Variants in CD99 observed in about 807,000 individuals in gnomAD.
The protein encoded by CD99 is CD99 molecule (Xg blood group), also known as CD99 antigen.
A neutral mutation model predicts 28.4 loss-of-function variants in CD99; 19 were observed. The ratio of observed to expected loss-of-function variants is 0.67; its 90% confidence interval spans 0.47 to 0.98. The LOEUF is 0.98. Ranked by LOEUF, CD99 falls within the 50% of genes least tolerant of loss-of-function variation. The pLI is 0.00. For synonymous variants in CD99, 103 were observed against 92.1 expected, an observed-to-expected ratio of 1.12 and a Z score of -0.67; for missense variants, 283 against 248.8, an observed-to-expected ratio of 1.14 and a Z score of -0.92.
At chrX:2,712,566 A>G (rs1292934299) in intron 1 of CD99, among the ~76,000 whole-genome samples, 2 of 152,092 alleles carry the variant, frequency 1.3e-5, no homozygotes, top group African/African-American at 4.8e-5. Flanking sequence ...GCTACCGTCT[A>G]AAGATCTGCC....
At chrX:2,693,222 C>G (rs2047417177) in intron 1 of CD99, among the ~76,000 whole-genome samples, 1 of 150,660 alleles carries the variant, frequency 6.6e-6, no homozygotes. Context: ...GGCTCATTGG[C>G]GTTGCACAGT....
chrX:2,709,968 G>GA (rs902622117), intron 1 of CD99, among the ~76,000 whole-genome samples: 16 of 149,784 alleles, frequency 1.1e-4, no homozygotes, highest in African/African-American at 2.4e-4. Context: ...GAGGGTCTTT[G>GA]AAAAAAAAAA....
At chrX:2,724,401 C>T (rs1003554598) in intron 7 of CD99, among the ~76,000 whole-genome samples, 2 of 152,132 alleles carry the variant, frequency 1.3e-5, no homozygotes, top group African/African-American at 4.8e-5. Flanking sequence ...TTCTCCTTCC[C>T]CGTCGTGGAG....
chrX:2,736,002 A>C (rs1458324768), intron 8 of CD99, among the ~76,000 whole-genome samples: 2 of 151,964 alleles, frequency 1.3e-5, no homozygotes, highest in Non-Finnish European at 2.9e-5. Context: ...GGAGATCGAG[A>C]CCATCCTGGC....
intron 8 of CD99, among the ~76,000 whole-genome samples, chrX:2,736,150 C>G (rs55711896): frequency 6.7e-6 from 1 of 148,852 alleles, no homozygotes; most frequent in African/African-American, 2.5e-5. Context: ...TGCAGTGAGC[C>G]GAGATCGCGC....
intron 1 of CD99, among the ~76,000 whole-genome samples, chrX:2,706,833 T>A (rs1416868372): frequency 3.3e-5 from 5 of 151,946 alleles, no homozygotes. Flanking sequence ...TTAATTAATT[T>A]ATTTCGAGAC....
chrX:2,736,579 C>T (rs1410731495), intron 8 of CD99, among the ~76,000 whole-genome samples: 1 of 151,674 alleles, frequency 6.6e-6, no homozygotes, highest in Non-Finnish European at 1.5e-5. Flanking sequence ...AATAGAGGGC[C>T]GGGCGTGGTG....
intron 1 of CD99, among the ~76,000 whole-genome samples, chrX:2,710,684 A>G (rs2048355692): frequency 6.6e-6 from 1 of 151,814 alleles, no homozygotes; most frequent in Non-Finnish European, 1.5e-5. Context: ...ACTTGCCCTG[A>G]CTTGCTGGGA....
chrX:2,721,627 A>G lies in CD99; in HGVS notation c.263-1000A>G, dbSNP rs772345738. Among the ~76,000 whole-genome samples the G allele has an allele frequency of 8.5e-5, 13 of 152,296 alleles. No individual in the cohort carries two copies. In the East Asian group the frequency reaches 2.5e-3, roughly 29 times the overall value. On this transcript the variant is annotated intron_variant, in intron 5 of 9. Coordinates refer to ENST00000381192, the MANE Select transcript of CD99 (RefSeq NM_002414.5). ...TTAATCTAAATGAAATAAATTTTAA[A>G]TAAAGTTCCAAGTCTTTTGTTTGTA...
intron 1 of CD99, among the ~76,000 whole-genome samples, chrX:2,707,455 C>T (rs1477093250): frequency 6.6e-6 from 1 of 152,094 alleles, no homozygotes; most frequent in Non-Finnish European, 1.5e-5. Flanking sequence ...TGCAGAGGAA[C>T]TCACACACCC....
At position 2,707,339 on chromosome X, in the gene CD99, G is replaced by GAA. The variant is rs1303534742; in HGVS notation, c.68-7080_68-7079dup. 7.6e-3 allele frequency among the ~76,000 whole-genome samples: 1,117 copies of GAA among 147,724 alleles called. 7 individuals carry two copies. Among genetic ancestry groups the GAA allele is most frequent in the African/African-American group, 0.028 (1,064 of 38,492 alleles). On this transcript the variant is annotated intron_variant, in intron 1 of 9. Transcript: ENST00000381192. ...AGCAAAACTCTGCCTCAAAAGAAAA[G>GAA]AAAAGAAAAGAAAAAAACAGCAAAA...
intron 6 of CD99, 91 bp from the exon 7 acceptor site, chrX:2,723,223 G>A: frequency 7.6e-7 from 1 of 1,317,154 alleles, no homozygotes; most frequent in Non-Finnish European, 1.1e-6. Context: ...TAGAGTGTAA[G>A]AAGCAGGACC....
At position 2,717,597 on chromosome X, in the gene CD99, C is replaced by T; in HGVS notation, c.101-8C>T. On this transcript the variant is annotated splice_polypyrimidine_tract_variant and splice_region_variant and intron_variant, in intron 2 of 9. Coordinates refer to ENST00000381192, the MANE Select transcript of CD99 (RefSeq NM_002414.5). ...ACTTTTACTAACTGAAATATCTTAT[C>T]TCTTTAGACAATGAAAACAAGAAAC... The T allele has an allele frequency of 6.2e-7, 1 of 1,611,782 alleles. No homozygotes were observed. The highest frequency in any genetic ancestry group is 8.5e-7 in the Non-Finnish European group (1 of 1,177,870).
chrX:2,714,441 C>A lies in CD99; in HGVS notation c.87C>A (p.Ser29=), dbSNP rs1136447. 24 of 1,598,254 alleles carry A rather than the reference C, an allele frequency of 1.5e-5. No individual in the cohort carries two copies. The South Asian group carries it at 2.0e-4, about 13-fold the overall frequency. Residue 29 remains serine (S), a synonymous_variant, in exon 2 of 10, where the codon TCC becomes TCA. Coordinates refer to ENST00000381192, the MANE Select transcript of CD99 (RefSeq NM_002414.5). Reference sequence around the variant, plus strand: ...TCTTAGATGGTGGTTTCGATTTATCCGATGCCCTTCCTGGTGAGTATCAAC... The same window carrying A: ...TCTTAGATGGTGGTTTCGATTTATCAGATGCCCTTCCTGGTGAGTATCAAC... The part of the protein sequence containing the change: ...VAAPDGGFDL[S]DALPDNENKK...
chrX:2,700,963 A>G (rs929706262), intron 1 of CD99, among the ~76,000 whole-genome samples: 1 of 141,110 alleles, frequency 7.1e-6, no homozygotes, highest in Non-Finnish European at 1.5e-5. Context: ...CCATCCGTCT[A>G]CCCACCCACT....
At chrX:2,709,516 AAC>A (rs1422272513) in intron 1 of CD99, among the ~76,000 whole-genome samples, 41 of 152,332 alleles carry the variant, frequency 2.7e-4, no homozygotes, top group Non-Finnish European at 4.1e-4. Flanking sequence ...TGCACATGAA[AAC>A]ACGTGTGCAC....
intron 3 of CD99, among the ~76,000 whole-genome samples, chrX:2,718,618 C>T (rs1341467059): frequency 6.6e-6 from 1 of 151,720 alleles, no homozygotes. Context: ...ATCCACGCGC[C>T]TTGGCCTCCC....
intron 1 of CD99, among the ~76,000 whole-genome samples, chrX:2,706,261 G>A (rs1266443514): frequency 1.3e-5 from 2 of 152,140 alleles, no homozygotes; most frequent in Non-Finnish European, 2.9e-5. Context: ...TCGGGAGGCT[G>A]AGGCAGCAGA....
chrX:2,700,520 C>CCATG (rs1337260624), intron 1 of CD99, among the ~76,000 whole-genome samples: 1 of 151,854 alleles, frequency 6.6e-6, no homozygotes, highest in Non-Finnish European at 1.5e-5. Context: ...ATCCATTCAT[C>CCATG]CATGCATCCA....
Sources: allele counts gnomAD v4.1 joint callset (sites outside exome capture counted in the v4.1 genomes callset), GRCh38; gene constraint gnomAD v4.1.1; transcripts MANE v1.5; gene names NCBI Gene and HGNC (gene_info 2026-07-23, HGNC 2026-07-21).